The following SNX25 variants were observed in gnomAD, a reference collection of about 807,000 sequenced individuals.
SNX25 encodes sorting nexin-25.
In SNX25, 62 loss-of-function variants were observed where a neutral mutation model predicts 113.7. The observed-to-expected ratio is 0.55, with a 90% confidence interval of 0.44 to 0.67. The LOEUF is 0.67. Among genes scored for constraint, SNX25 ranks in the 30% least tolerant of loss-of-function variants. The pLI, the probability that SNX25 is intolerant of heterozygous loss-of-function variation, is 0.00. For synonymous variants in SNX25, 421 were observed against 436.2 expected, an observed-to-expected ratio of 0.97 and a Z score of 0.43; for missense variants, 1,014 against 1,161.0, an observed-to-expected ratio of 0.87 and a Z score of 1.84.
chr4:185,368,546 G>T (rs76292201), downstream of SNX25, among the ~76,000 whole-genome samples: 1,017 of 152,274 alleles, frequency 6.7e-3, 10 homozygotes, highest in South Asian at 0.013. Context: ...GTGTCCTTTT[G>T]CTCTGAGGGA....
Position 185,362,587 on chromosome 4 carries a change from T to C in SNX25, c.2834-24T>C, listed in dbSNP as rs202150090. ...ACTGAGCACTTTATCAATAGCAGCA[T>C]AGAATCTACACTTAATTTTTCAGAT... On this transcript the variant is annotated intron_variant, in intron 17 of 18. Coordinates refer to ENST00000652585, the MANE Select transcript of SNX25 (RefSeq NM_001378034.2). 6.2e-6 allele frequency: 10 copies of C among 1,605,742 alleles called. No individual in the cohort carries two copies. In the African/African-American group the frequency reaches 1.2e-4, roughly 19 times the overall value.
chr4:185,205,237 C>G (rs3108243), upstream of SNX25, among the ~76,000 whole-genome samples: 1 of 151,984 alleles, frequency 6.6e-6, no homozygotes, highest in Non-Finnish European at 1.5e-5. Flanking sequence ...GGGTGGGGCC[C>G]CCTGAGAGGA....
At chr4:185,324,456 T>C (rs1019087870) in intron 9 of SNX25, among the ~76,000 whole-genome samples, 1 of 152,164 alleles carries the variant, frequency 6.6e-6, no homozygotes, top group African/African-American at 2.4e-5. Flanking sequence ...TTATTGGTTT[T>C]AGGGTGAGAG....
At chr4:185,237,738 CT>C (rs957667527) in intron 1 of SNX25, among the ~76,000 whole-genome samples, 2 of 148,846 alleles carry the variant, frequency 1.3e-5, no homozygotes, top group African/African-American at 2.5e-5. Context: ...AAATTCATGA[CT>C]TTTTTTTTTG....
intron 1 of SNX25, among the ~76,000 whole-genome samples, chr4:185,229,350 G>A (rs867909252): frequency 2.6e-4 from 39 of 152,232 alleles, no homozygotes; most frequent in African/African-American, 8.0e-4. Context: ...CCATGTGGCC[G>A]TGAGAATGGG....
chr4:185,371,540 T>TAAA (rs11288148), downstream of SNX25, among the ~76,000 whole-genome samples: 3 of 78,300 alleles, frequency 3.8e-5, no homozygotes, highest in African/African-American at 4.8e-5. Flanking sequence ...AGACTCCGTC[T>TAAA]AAAAAAAAAA....
upstream of SNX25, among the ~76,000 whole-genome samples, chr4:185,207,315 C>T (rs1737231566): frequency 7.1e-6 from 1 of 140,286 alleles, no homozygotes; most frequent in Non-Finnish European, 1.5e-5. Context: ...CTCCCAGGTT[C>T]ACACCGTTCT....
At chr4:185,343,652 A>G (rs2095271095) in intron 12 of SNX25, among the ~76,000 whole-genome samples, 1 of 152,194 alleles carries the variant, frequency 6.6e-6, no homozygotes, top group African/African-American at 2.4e-5. Flanking sequence ...AGGAATTGCC[A>G]TCTTCTCTAA....
At chr4:185,283,330 A>G (rs1409927731) in intron 5 of SNX25, among the ~76,000 whole-genome samples, 1 of 152,208 alleles carries the variant, frequency 6.6e-6, no homozygotes, top group Non-Finnish European at 1.5e-5. Context: ...AGGAATGGCC[A>G]TGCATGGAGT....
At chr4:185,341,211 A>G (rs1420136470) in intron 11 of SNX25, among the ~76,000 whole-genome samples, 2 of 151,108 alleles carry the variant, frequency 1.3e-5, no homozygotes, top group African/African-American at 2.5e-5. Context: ...GTGTGTGTGT[A>G]TGTGCACGTG....
At chr4:185,277,031 T>G (rs1477381378) in intron 5 of SNX25, among the ~76,000 whole-genome samples, 2 of 152,064 alleles carry the variant, frequency 1.3e-5, no homozygotes, top group African/African-American at 2.4e-5. Flanking sequence ...CCCTTTTTTA[T>G]TTTTATTTTT....
chr4:185,239,580 T>C (rs1271698952), intron 1 of SNX25, among the ~76,000 whole-genome samples: 1 of 152,210 alleles, frequency 6.6e-6, no homozygotes, highest in African/African-American at 2.4e-5. Context: ...AAAAACTCAC[T>C]GGGTGATTAA....
intron 5 of SNX25, among the ~76,000 whole-genome samples, chr4:185,287,462 T>C (rs1035897594): frequency 6.6e-6 from 1 of 152,190 alleles, no homozygotes; most frequent in Non-Finnish European, 1.5e-5. Flanking sequence ...AGGGCAGTTC[T>C]GAGAACTATT....
upstream of SNX25, among the ~76,000 whole-genome samples, chr4:185,205,923 A>G (rs1737169386): frequency 6.6e-6 from 1 of 152,238 alleles, no homozygotes; most frequent in Non-Finnish European, 1.5e-5. Flanking sequence ...CAATAAACAC[A>G]TGAAAAGATA....
intron 1 of SNX25, among the ~76,000 whole-genome samples, chr4:185,237,716 A>C (rs1742850500): frequency 6.6e-6 from 1 of 151,612 alleles, no homozygotes; most frequent in African/African-American, 2.4e-5. Flanking sequence ...AATTAGTTGG[A>C]GATATCGTCC....
At chr4:185,317,602 A>C (rs2095084613) in intron 7 of SNX25, among the ~76,000 whole-genome samples, 1 of 152,232 alleles carries the variant, frequency 6.6e-6, no homozygotes, top group Non-Finnish European at 1.5e-5. Context: ...CTGGAAGAAG[A>C]AAATGTGGCA....
intron 3 of SNX25, among the ~76,000 whole-genome samples, chr4:185,261,986 C>T (rs1164881281): frequency 6.6e-6 from 1 of 152,158 alleles, no homozygotes; most frequent in Non-Finnish European, 1.5e-5. Flanking sequence ...GACCGGCAGA[C>T]AGTGAGTCCA....
At chr4:185,358,842 A>G (rs1451678260) in intron 16 of SNX25, among the ~76,000 whole-genome samples, 1 of 152,260 alleles carries the variant, frequency 6.6e-6, no homozygotes, top group Non-Finnish European at 1.5e-5. Flanking sequence ...ATATAACAAA[A>G]TAAGTTTTAA....
downstream of SNX25, chr4:185,374,053 T>A: frequency 8.8e-7 from 1 of 1,131,032 alleles, no homozygotes; most frequent in Non-Finnish European, 1.3e-6. Context: ...AAAACGACAT[T>A]CCCCACCATT....
Sources: gnomAD v4.1 joint callset for allele counts (sites outside exome capture counted in the v4.1 genomes callset) on GRCh38, gnomAD v4.1.1 for gene constraint, MANE v1.5 for transcripts, NCBI Gene and HGNC (gene_info 2026-07-23, HGNC 2026-07-21) for gene names.